The following CD2AP variants were observed in gnomAD, a reference collection of about 807,000 sequenced individuals.
CD2AP encodes the protein CD2 associated protein.
CD2AP carries 46 observed loss-of-function variants against 85.1 expected under a neutral mutation model. That is an observed-to-expected ratio of 0.54 (90% CI 0.43 to 0.69). The LOEUF (loss-of-function observed/expected upper bound fraction) is 0.69, where lower values mean the gene tolerates loss of function less well. Ranked by LOEUF, CD2AP falls within the 30% of genes least tolerant of loss-of-function variation. The pLI, the probability that CD2AP is intolerant of heterozygous loss-of-function variation, is 0.00. For synonymous variants in CD2AP, 255 were observed against 252.9 expected, an observed-to-expected ratio of 1.01 and a Z score of -0.08; for missense variants, 769 against 729.5, an observed-to-expected ratio of 1.05 and a Z score of -0.62.
chr6:47,532,658 T>C (rs943627325), intron 2 of CD2AP, among the ~76,000 whole-genome samples: 2 of 152,172 alleles, frequency 1.3e-5, no homozygotes, highest in African/African-American at 4.8e-5. Context: ...TCTATCGTTA[T>C]AGTTTTCCTT....
intron 2 of CD2AP, among the ~76,000 whole-genome samples, chr6:47,516,274 C>T (rs1766451162): frequency 6.6e-6 from 1 of 152,168 alleles, no homozygotes; most frequent in Admixed American, 6.5e-5. Flanking sequence ...CTGCTTTAGT[C>T]TTGTGGCAAG....
intron 2 of CD2AP, among the ~76,000 whole-genome samples, chr6:47,505,184 A>G (rs980966219): frequency 6.9e-6 from 1 of 144,478 alleles, no homozygotes; most frequent in Non-Finnish European, 1.5e-5. Flanking sequence ...GGCCTTCCGC[A>G]GTGTTTGTGT....
At chr6:47,607,255 A>C (rs559642907) in intron 14 of CD2AP, among the ~76,000 whole-genome samples, 1 of 152,244 alleles carries the variant, frequency 6.6e-6, no homozygotes, top group Admixed American at 6.5e-5. Context: ...TCTTGTGAAT[A>C]GTGCTACAGT....
chr6:47,505,227 A>T (rs1333963259), intron 2 of CD2AP, among the ~76,000 whole-genome samples: 2 of 142,846 alleles, frequency 1.4e-5, no homozygotes, highest in Non-Finnish European at 1.5e-5. Context: ...ATTGGTGATG[A>T]CTCTTAACGA....
chr6:47,549,460 C>CAAAAAAAAAAAAAAAA (rs67626138), intron 4 of CD2AP, among the ~76,000 whole-genome samples: 1 of 110,712 alleles, frequency 9.0e-6, no homozygotes, highest in African/African-American at 3.4e-5. Context: ...ACAATAGCTG[C>CAAAAAAAAAAAAAAAA]AAAAAAAAAA....
chr6:47,554,680 A>T lies in CD2AP; in HGVS notation c.455A>T (p.Asn152Ile), dbSNP rs745830059. 3.1e-6 allele frequency: 5 copies of T among 1,613,774 alleles called. No homozygotes were observed. In the Admixed American group the frequency reaches 6.7e-5, roughly 22 times the overall value. ...GGCTGGTGGAGTGGAACCCTGAATA[A>T]CAAGTTGGGACTGTTTCCCTCAAAT... Reference protein sequence around the residue: ...EEGWWSGTLNNKLGLFPSNFV... With the variant: ...EEGWWSGTLNIKLGLFPSNFV... Residue 152 changes from asparagine to isoleucine, a missense_variant, in exon 5 of 18, where the codon AAC becomes ATC. Physicochemically the swap from Asn to Ile is moderately radical, Grantham distance 149 (BLOSUM62 -3). Transcript: ENST00000359314.
chr6:47,478,140 C>T lies in CD2AP; in HGVS notation c.-105C>T, dbSNP rs1765350801. 4 of 1,428,198 alleles carry T rather than the reference C, an allele frequency of 2.8e-6. No individual in the cohort carries two copies. The highest frequency in any genetic ancestry group is 1.4e-5 in the African/African-American group (1 of 70,552). 88.5% of individuals were successfully genotyped at this position (1,428,198 alleles called of 1,614,324 possible). Reference sequence around the variant, plus strand: ...CGCCTGAGCTCAGGAGGGGCTAGCGCGGAGCGCGGGTCCCGCCTCCAGCCG... The same window carrying T: ...CGCCTGAGCTCAGGAGGGGCTAGCGTGGAGCGCGGGTCCCGCCTCCAGCCG... On this transcript the variant is annotated 5_prime_UTR_variant, in exon 1 of 18. Transcript: ENST00000359314.
intron 11 of CD2AP, among the ~76,000 whole-genome samples, chr6:47,589,581 T>TATATATA (rs1562046500): frequency 6.7e-6 from 1 of 148,488 alleles, no homozygotes; most frequent in African/African-American, 2.5e-5. Context: ...TATATATATA[T>TATATATA]TTGTCAGAGT....
rs114641458 is a variant in CD2AP at position 47,499,363 on chromosome 6, C to T, written c.5-3917C>T. The stretch of plus-strand genomic sequence containing the variant: ...GTATCTGTGTATACATACATGTATA[C>T]ATATATCTGTTTATTTCTCCATGTT... On this transcript the variant is annotated intron_variant, in intron 1 of 17. Transcript: ENST00000359314. Among the ~76,000 whole-genome samples, 1,231 of 151,926 alleles carry T rather than the reference C, an allele frequency of 8.1e-3. 14 individuals carry two copies. The highest frequency in any genetic ancestry group is 0.028 in the African/African-American group (1,148 of 41,452).
intron 7 of CD2AP, among the ~76,000 whole-genome samples, 192 bp from the exon 8 acceptor site, chr6:47,576,817 A>C (rs1003417103): frequency 6.6e-6 from 1 of 152,062 alleles, no homozygotes; most frequent in African/African-American, 2.4e-5. Context: ...ACAAACAGTA[A>C]ATATTTGAAT....
intron 5 of CD2AP, among the ~76,000 whole-genome samples, chr6:47,556,329 G>C (rs1441398239): frequency 6.7e-6 from 1 of 148,456 alleles, no homozygotes; most frequent in Non-Finnish European, 1.5e-5. Flanking sequence ...TTGCTTTTCT[G>C]TTCATGAGAA....
At chr6:47,605,971 A>G (rs191924128) in intron 13 of CD2AP, among the ~76,000 whole-genome samples, 194 bp from the exon 14 acceptor site, 1 of 145,070 alleles carries the variant, frequency 6.9e-6, no homozygotes, top group Admixed American at 6.9e-5. Flanking sequence ...TATCAGGTAA[A>G]GAGGATTTTT....
At chr6:47,578,766 C>T (rs1037330880) in intron 8 of CD2AP, among the ~76,000 whole-genome samples, 2 of 151,678 alleles carry the variant, frequency 1.3e-5, no homozygotes, top group Non-Finnish European at 2.9e-5. Context: ...AAGCAATTCT[C>T]CTGTCTCAGC....
chr6:47,535,721 A>G (rs764246951), intron 3 of CD2AP, among the ~76,000 whole-genome samples: 24 of 152,260 alleles, frequency 1.6e-4, no homozygotes, highest in Admixed American at 1.0e-3. Flanking sequence ...AACTGCTTGG[A>G]GACTGGGGGA....
chr6:47,536,493 A>C (rs1440627067), intron 3 of CD2AP, among the ~76,000 whole-genome samples: 1 of 152,166 alleles, frequency 6.6e-6, no homozygotes, highest in African/African-American at 2.4e-5. Context: ...ACTACAAAGG[A>C]GAGGTTCAAA....
At chr6:47,618,624 CTT>C (rs1444254255) in intron 17 of CD2AP, among the ~76,000 whole-genome samples, 3 of 151,964 alleles carry the variant, frequency 2.0e-5, no homozygotes, top group African/African-American at 7.2e-5. Context: ...CGTTTTTTGA[CTT>C]TTTTCTTACA....
intron 2 of CD2AP, among the ~76,000 whole-genome samples, chr6:47,526,433 G>GT (rs1766730005): frequency 1.3e-5 from 2 of 152,122 alleles, no homozygotes; most frequent in Admixed American, 6.6e-5. Context: ...GTAAACCTGA[G>GT]TTTTTTCTAT....
At chr6:47,604,430 ATC>A (rs1021965622) in intron 13 of CD2AP, among the ~76,000 whole-genome samples, 63 of 152,030 alleles carry the variant, frequency 4.1e-4, no homozygotes, top group African/African-American at 1.4e-3. Context: ...AATTTTGTAA[ATC>A]TATGTTTTAT....
At chr6:47,506,664 G>T (rs941892858) in intron 2 of CD2AP, among the ~76,000 whole-genome samples, 1 of 135,090 alleles carries the variant, frequency 7.4e-6, no homozygotes, top group African/African-American at 2.7e-5. Context: ...GGCGGCGCGT[G>T]CCTGCAATCG....
Sources: gnomAD v4.1 joint callset for allele counts (sites outside exome capture counted in the v4.1 genomes callset) on GRCh38, gnomAD v4.1.1 for gene constraint, MANE v1.5 for transcripts, NCBI Gene and HGNC (gene_info 2026-07-23, HGNC 2026-07-21) for gene names.